FHIT: variants seen among roughly 807,000 people sequenced by gnomAD.
FHIT encodes fragile histidine triad diadenosine triphosphatase.
FHIT carries 19 observed loss-of-function variants against 17.9 expected under a neutral mutation model. The ratio of observed to expected loss-of-function variants is 1.06; its 90% confidence interval spans 0.74 to 1.56. The LOEUF is 1.56. Among genes scored for constraint, FHIT ranks in the 40% most tolerant of loss-of-function variants. The probability of loss-of-function intolerance (pLI) is 0.00; values close to 1 mark genes in which losing one functional copy is unlikely to be tolerated. For synonymous variants in FHIT, 81 were observed against 69.7 expected, an observed-to-expected ratio of 1.16 and a Z score of -0.81; for missense variants, 248 against 189.2, an observed-to-expected ratio of 1.31 and a Z score of -1.82.
At chr3:60,925,100 G>A (rs1226064161) in intron 3 of FHIT, among the ~76,000 whole-genome samples, 5 of 152,174 alleles carry the variant, frequency 3.3e-5, no homozygotes, top group African/African-American at 9.7e-5. Flanking sequence ...ACCTGAAAGT[G>A]ACAGGGAGAA....
At chr3:60,272,105 G>C (rs1192024958) in intron 5 of FHIT, among the ~76,000 whole-genome samples, 2 of 152,198 alleles carry the variant, frequency 1.3e-5, no homozygotes. Context: ...CCGTATTCTA[G>C]TCCTCTCATG....
chr3:61,059,602 A>C (rs756703344), intron 2 of FHIT, among the ~76,000 whole-genome samples: 1 of 152,118 alleles, frequency 6.6e-6, no homozygotes, highest in African/African-American at 2.4e-5. Context: ...TGGAGACCTT[A>C]AGTGTTTCAA....
chr3:60,325,801 G>A (rs1233348119), intron 5 of FHIT, among the ~76,000 whole-genome samples: 1 of 152,190 alleles, frequency 6.6e-6, no homozygotes, highest in Non-Finnish European at 1.5e-5. Flanking sequence ...GTAGTGGAGA[G>A]GACCAGGAAG....
At chr3:60,459,031 C>A (rs1242867983) in intron 5 of FHIT, among the ~76,000 whole-genome samples, 3 of 152,116 alleles carry the variant, frequency 2.0e-5, no homozygotes. Context: ...ATCCTCCTAC[C>A]TTGTTCTCCC....
At chr3:60,462,137 T>G (rs74766745) in intron 5 of FHIT, among the ~76,000 whole-genome samples, 2,709 of 152,316 alleles carry the variant, frequency 0.018, 83 homozygotes, top group African/African-American at 0.06. Flanking sequence ...AGCCCTTGTC[T>G]GCCTGGAGTT....
chr3:61,029,578 C>A (rs922100089), intron 3 of FHIT, among the ~76,000 whole-genome samples: 1 of 152,100 alleles, frequency 6.6e-6, no homozygotes, highest in African/African-American at 2.4e-5. Context: ...GTCAGGCAGG[C>A]ATATTAGGCA....
At chr3:60,142,059 C>A (rs1700059448) in intron 5 of FHIT, among the ~76,000 whole-genome samples, 1 of 152,224 alleles carries the variant, frequency 6.6e-6, no homozygotes, top group Non-Finnish European at 1.5e-5. Flanking sequence ...GCATCAAGGA[C>A]ACAAGAAAAG....
At position 61,149,793 on chromosome 3, in the gene FHIT, T is replaced by C. The variant is rs1366383418; in HGVS notation, c.-164+50824A>G. Among the ~76,000 whole-genome samples the C allele has an allele frequency of 3.9e-5, 6 of 151,986 alleles. No homozygotes were observed. In the East Asian group the frequency reaches 9.7e-4, roughly 24 times the overall value. On this transcript the variant is annotated intron_variant, in intron 2 of 9. Coordinates refer to ENST00000492590, the MANE Select transcript of FHIT (RefSeq NM_002012.4). ...TACTCGGGAGGCTGATGGGGGAGGA[T>C]TGCTTGAGCCCAGGAGTTAGAGGCT...
chr3:61,074,035 G>A (rs1258767077), intron 2 of FHIT, among the ~76,000 whole-genome samples: 1 of 152,280 alleles, frequency 6.6e-6, no homozygotes, highest in African/African-American at 2.4e-5. Context: ...ACACGAGAAT[G>A]TAATTGATAT....
intron 5 of FHIT, among the ~76,000 whole-genome samples, chr3:60,290,071 G>A (rs189941400): frequency 6.6e-6 from 1 of 152,264 alleles, no homozygotes; most frequent in East Asian, 1.9e-4. Context: ...TGTTTCTGAT[G>A]CTATGCGTGG....
chr3:59,939,019 T>G (rs570871475), intron 7 of FHIT, among the ~76,000 whole-genome samples: 7 of 152,166 alleles, frequency 4.6e-5, no homozygotes, highest in Non-Finnish European at 7.4e-5. Flanking sequence ...CCCTGTCTGG[T>G]GGCTTTGAGG....
chr3:60,246,253 C>T (rs1705390056), intron 5 of FHIT, among the ~76,000 whole-genome samples: 1 of 151,964 alleles, frequency 6.6e-6, no homozygotes. Flanking sequence ...AAGTCTACCT[C>T]CAGCAAATAT....
intron 8 of FHIT, among the ~76,000 whole-genome samples, chr3:59,811,467 G>GA (rs1331920022): frequency 2.0e-5 from 3 of 152,088 alleles, no homozygotes; most frequent in African/African-American, 7.2e-5. Flanking sequence ...TCTATTAAAA[G>GA]AAAAAATGTG....
intron 8 of FHIT, among the ~76,000 whole-genome samples, chr3:59,860,317 A>C (rs1702351647): frequency 6.6e-6 from 1 of 152,192 alleles, no homozygotes; most frequent in African/African-American, 2.4e-5. Flanking sequence ...AAAAAGAAAA[A>C]GAAGATTCGG....
In FHIT at chr3:61,040,235, T is replaced by C. The variant is rs117725501; in HGVS notation, c.-111+1812A>G. 1.4e-4 allele frequency among the ~76,000 whole-genome samples: 22 copies of C among 152,324 alleles called. No homozygotes were observed. The East Asian group carries it at 3.7e-3, about 25-fold the overall frequency. On this transcript the variant is annotated intron_variant, in intron 3 of 9. Transcript: ENST00000492590. ...CATTTGCTGAATCACAATAAACACA[T>C]ACCAGCATCTACTATAGCCTGTTAC... is the stretch of plus-strand genomic sequence containing the variant.
intron 5 of FHIT, among the ~76,000 whole-genome samples, chr3:60,384,055 G>A (rs1175642403): frequency 6.6e-6 from 1 of 152,030 alleles, no homozygotes; most frequent in Non-Finnish European, 1.5e-5. Flanking sequence ...GGATCACGAG[G>A]TCAGGAGATC....
chr3:59,818,775 T>C (rs1414402305), intron 8 of FHIT, among the ~76,000 whole-genome samples: 1 of 152,068 alleles, frequency 6.6e-6, no homozygotes, highest in Non-Finnish European at 1.5e-5. Context: ...CTCACCCATT[T>C]CTCCTTCAAC....
chr3:60,239,803 C>T (rs1705033766), intron 5 of FHIT, among the ~76,000 whole-genome samples: 1 of 152,062 alleles, frequency 6.6e-6, no homozygotes, highest in African/African-American at 2.4e-5. Flanking sequence ...TACTAATAGA[C>T]TTAGATAAAT....
At chr3:59,872,835 C>T (rs1414945473) in intron 8 of FHIT, among the ~76,000 whole-genome samples, 2 of 152,200 alleles carry the variant, frequency 1.3e-5, no homozygotes, top group African/African-American at 4.8e-5. Context: ...TCCAGACCCA[C>T]ATCCCTAGCT....
Sources: allele counts gnomAD v4.1 joint callset (sites outside exome capture counted in the v4.1 genomes callset), GRCh38; gene constraint gnomAD v4.1.1; transcripts MANE v1.5; gene names NCBI Gene and HGNC (gene_info 2026-07-23, HGNC 2026-07-21).